SCARA3: variants seen among roughly 807,000 people sequenced by gnomAD.
SCARA3 encodes scavenger receptor class A member 3, also known as cellular stress response gene protein.
SCARA3 carries 39 observed loss-of-function variants against 47.0 expected under a neutral mutation model. The ratio of observed to expected loss-of-function variants is 0.83; its 90% CI spans 0.64 to 1.08. SCARA3 has a LOEUF of 1.08. Ranked by LOEUF, SCARA3 falls within the 50% of genes least tolerant of loss-of-function variation. The probability of loss-of-function intolerance (pLI) is 0.00; values close to 1 mark genes in which losing one functional copy is unlikely to be tolerated. For missense variants in SCARA3, 724 were observed against 792.3 expected, an observed-to-expected ratio of 0.91 and a Z score of 1.04; for synonymous variants, 356 against 334.1, an observed-to-expected ratio of 1.07 and a Z score of -0.71.
chr8:27,697,958 TA>T, the SCARA3 span, among the ~76,000 whole-genome samples: 1 of 152,224 alleles, frequency 6.6e-6, no homozygotes, highest in Non-Finnish European at 1.5e-5. Context: ...GAGAACAGAC[TA>T]ATACACTTTC....
chr8:27,649,169 C>A (rs969633229), intron 1 of SCARA3, among the ~76,000 whole-genome samples: 2 of 152,166 alleles, frequency 1.3e-5, no homozygotes, highest in Non-Finnish European at 2.9e-5. Context: ...CCCTTTGACA[C>A]CCTGATGGGT....
chr8:27,697,653 A>G, the SCARA3 span: 1 of 151,990 alleles, frequency 6.6e-6, no homozygotes, highest in Non-Finnish European at 1.5e-5. Context: ...CGTAATTCCT[A>G]TGTGTTGTGG....
At chr8:27,639,722 G>C (rs1038672206) in intron 1 of SCARA3, among the ~76,000 whole-genome samples, 2 of 152,218 alleles carry the variant, frequency 1.3e-5, no homozygotes, top group African/African-American at 4.8e-5. Flanking sequence ...TACTTTTAGA[G>C]AGTGGGAGGA....
At chr8:27,651,278 A>G (rs1801625337) in intron 2 of SCARA3, among the ~76,000 whole-genome samples, 1 of 152,236 alleles carries the variant, frequency 6.6e-6, no homozygotes, top group African/African-American at 2.4e-5. Context: ...GGATGATGGT[A>G]GTGCTGGGGG....
At chr8:27,648,774 C>T (rs35128611) in intron 1 of SCARA3, among the ~76,000 whole-genome samples, 45 of 141,308 alleles carry the variant, frequency 3.2e-4, no homozygotes, top group African/African-American at 9.0e-4. Context: ...CCCAACAAAA[C>T]GGCAAAGAAA....
rs962809472 is a variant in SCARA3, at chr8:27,672,794, C to T, written c.*1443C>T. The T allele has an allele frequency of 6.1e-6, 6 of 985,500 alleles. No individual in the cohort carries two copies. The African/African-American group carries it at 1.0e-4, about 17-fold the overall frequency. The allele number at this position is 985,500 out of a possible 1,614,324, so 61.0% of individuals were successfully genotyped here. A position where few individuals can be genotyped will look rare whatever the true frequency, so the allele number is the denominator to read the frequency against. Reference sequence around the variant, plus strand: ...TTCATGTTCAAACAGATTCAGGCACCACCCCCTCCACCGCCCGCAAGGTTA... The same window carrying T: ...TTCATGTTCAAACAGATTCAGGCACTACCCCCTCCACCGCCCGCAAGGTTA... On this transcript the variant is annotated 3_prime_UTR_variant, in exon 6 of 6. Coordinates refer to ENST00000301904, the MANE Select transcript of SCARA3 (RefSeq NM_016240.3).
chr8:27,693,469 G>A, the SCARA3 span, among the ~76,000 whole-genome samples: 1 of 152,164 alleles, frequency 6.6e-6, no homozygotes, highest in African/African-American at 2.4e-5. Flanking sequence ...CTCTTTCTGG[G>A]GAGAGACTAT....
the SCARA3 span, among the ~76,000 whole-genome samples, chr8:27,711,974 T>C: frequency 6.6e-6 from 1 of 152,180 alleles, no homozygotes; most frequent in African/African-American, 2.4e-5. Context: ...AGTCTGTAAG[T>C]TTGGGCAAAC....
At chr8:27,688,399 CA>C in the SCARA3 span, among the ~76,000 whole-genome samples, 218 of 138,514 alleles carry the variant, frequency 1.6e-3, 1 homozygote, top group African/African-American at 2.0e-3. Context: ...TTGATATTGG[CA>C]AAAAAAAAAA....
chr8:27,720,650 A>ATCCT, the SCARA3 span, among the ~76,000 whole-genome samples: 6 of 150,706 alleles, frequency 4.0e-5, no homozygotes, highest in Non-Finnish European at 8.9e-5. Context: ...CCATCCATCC[A>ATCCT]TCCATCCATC....
the SCARA3 span, among the ~76,000 whole-genome samples, chr8:27,691,123 C>T: frequency 6.6e-6 from 1 of 152,018 alleles, no homozygotes; most frequent in South Asian, 2.1e-4. Flanking sequence ...CTCTTCTGCC[C>T]CTTTTGAATT....
chr8:27,693,785 C>A, the SCARA3 span, among the ~76,000 whole-genome samples: 29 of 152,326 alleles, frequency 1.9e-4, no homozygotes, highest in Non-Finnish European at 3.4e-4. Flanking sequence ...TCTCCACAAC[C>A]CCTTCTTGTA....
chr8:27,694,673 G>C, the SCARA3 span, among the ~76,000 whole-genome samples: 2 of 152,128 alleles, frequency 1.3e-5, no homozygotes, highest in Non-Finnish European at 2.9e-5. Flanking sequence ...TCAGCAAGGA[G>C]CTTACCTCCA....
chr8:27,699,117 G>A, the SCARA3 span, among the ~76,000 whole-genome samples: 95 of 151,660 alleles, frequency 6.3e-4, no homozygotes, highest in Admixed American at 9.9e-4. Context: ...GGTGGCGGGC[G>A]CCTGTAGTCC....
downstream of SCARA3, among the ~76,000 whole-genome samples, chr8:27,675,912 A>T (rs997737189): frequency 4.6e-5 from 7 of 152,118 alleles, no homozygotes; most frequent in Non-Finnish European, 1.0e-4. Flanking sequence ...GAGGTGGGGG[A>T]GGAACGTGTA....
the SCARA3 span, among the ~76,000 whole-genome samples, chr8:27,710,030 AC>A: frequency 6.6e-6 from 1 of 152,114 alleles, no homozygotes; most frequent in Non-Finnish European, 1.5e-5. Flanking sequence ...GGAGATCAAG[AC>A]CATCCTGGCC....
At chr8:27,682,331 G>A in the SCARA3 span, among the ~76,000 whole-genome samples, 1 of 151,926 alleles carries the variant, frequency 6.6e-6, no homozygotes, top group Non-Finnish European at 1.5e-5. Flanking sequence ...TCTAGATAAA[G>A]GAAAATACTA....
At chr8:27,730,160 A>G in the SCARA3 span, among the ~76,000 whole-genome samples, 1 of 152,262 alleles carries the variant, frequency 6.6e-6, no homozygotes, top group Non-Finnish European at 1.5e-5. Flanking sequence ...GTCATTCTAC[A>G]TGGAGCTCAG....
chr8:27,705,215 G>A, the SCARA3 span, among the ~76,000 whole-genome samples: 1 of 152,188 alleles, frequency 6.6e-6, no homozygotes, highest in Non-Finnish European at 1.5e-5. Context: ...GGAGAAAGAG[G>A]GGCAGGTCGA....
Sources: allele counts gnomAD v4.1 joint callset (sites outside exome capture counted in the v4.1 genomes callset), GRCh38; gene constraint gnomAD v4.1.1; transcripts MANE v1.5; gene names NCBI Gene and HGNC (gene_info 2026-07-23, HGNC 2026-07-21).